The following ERCC6L variants were observed in gnomAD, a reference collection of about 807,000 sequenced individuals.
ERCC6L encodes the protein ERCC excision repair 6 like, spindle assembly checkpoint helicase.
A neutral mutation model predicts 20.1 loss-of-function variants in ERCC6L; 7 were observed. The observed-to-expected ratio is 0.35, with a 90% CI of 0.20 to 0.65. The LOEUF is 0.65. Ranked by LOEUF, ERCC6L falls within the 30% of genes least tolerant of loss-of-function variation. ERCC6L has a pLI of 0.69. For synonymous variants in ERCC6L, 278 were observed against 331.3 expected (o/e 0.84, Z 1.75); for missense variants, 592 against 892.4 (o/e 0.66, Z 4.29).
At chrX:72,210,607 A>C (rs991297707) in intron 1 of ERCC6L, among the ~76,000 whole-genome samples, 3 of 111,486 alleles carry the variant, frequency 2.7e-5, no homozygotes, top group Admixed American at 9.6e-5. Flanking sequence ...TTTCCCAGAG[A>C]CTAAAGTGCT....
intron 1 of ERCC6L, among the ~76,000 whole-genome samples, chrX:72,213,163 G>A (rs900430759): frequency 1.8e-4 from 20 of 111,487 alleles, no homozygotes; most frequent in Non-Finnish European, 2.8e-4. Flanking sequence ...ACCCAGTTTT[G>A]AGAGACAGGA....
rs1409547407 is a variant in ERCC6L at position 72,206,360 on chromosome X, T to C, written c.2407A>G (p.Lys803Glu). 8.3e-7 allele frequency: 1 copy of C among 1,210,711 alleles called. No individual in the cohort carries two copies. Among genetic ancestry groups the C allele is most frequent in the African/African-American group, 1.7e-5 (1 of 57,808 alleles). ...ATAGAGTCAGCACTACCTGTACCTT[T>C]ACCATCTTGCAAGGTGGTAACATTC... ...KVNVTTLQDG[K>E]GTGSADSIAT... The change falls in exon 2 of 2, where the codon AAA becomes GAA. Residue 803 changes from lysine to glutamate, a missense_variant. By Grantham distance (56) the Lys-to-Glu change is moderately conservative (BLOSUM62 1). This residue lies in a region of ERCC6L where 352 missense variants were observed against 402.6 expected (regional missense o/e 0.87). Transcript: ENST00000334463.
chrX:72,210,202 A>AAAATAAATAAAT (rs58086876), intron 1 of ERCC6L, among the ~76,000 whole-genome samples: 138 of 97,189 alleles, frequency 1.4e-3, no homozygotes, highest in Non-Finnish European at 2.2e-3. Flanking sequence ...TGTCTCTTAA[A>AAAATAAATAAAT]AAATAAATAA....
chrX:72,222,130 C>T (rs1279963929), intron 1 of ERCC6L, among the ~76,000 whole-genome samples: 1 of 110,675 alleles, frequency 9.0e-6, no homozygotes, highest in Non-Finnish European at 1.9e-5. Flanking sequence ...CAGCCATTCT[C>T]CCTCTCCGGG....
chrX:72,205,498 C>A lies in ERCC6L; in HGVS notation c.3269G>T (p.Arg1090Ile), dbSNP rs1434421525. The change falls in exon 2 of 2, where the codon AGA becomes ATA. Residue 1090 changes from arginine (R) to isoleucine (I), a missense_variant. This residue lies in a region of ERCC6L where 352 missense variants were observed against 402.6 expected (regional missense o/e 0.87). Transcript: ENST00000334463. ...PSSVNKSMNS[R>I]RSLASRRSLI... ...AGACCTCCTAGAAGCCAGAGATCTT[C>A]TAGAGTTCATAGACTTATTTACACT... The A allele has an allele frequency of 8.3e-7, 1 of 1,210,025 alleles. No homozygotes were observed. Among genetic ancestry groups the A allele is most frequent in the Non-Finnish European group, 1.1e-6 (1 of 895,169 alleles).
intron 1 of ERCC6L, among the ~76,000 whole-genome samples, chrX:72,228,420 A>G (rs2042965584): frequency 8.9e-6 from 1 of 111,945 alleles, no homozygotes; most frequent in Non-Finnish European, 1.9e-5. Flanking sequence ...ACTTCTCTCA[A>G]GAAAACAGAC....
In ERCC6L at chrX:72,206,750, C is replaced by T; in HGVS notation, c.2017G>A (p.Asp673Asn). ...TCACATGTGTACATCAAATCATGGT[C>T]TGAGATTCCAGCTATCCCCAAAGAC... ...LQSLGIAGIS[D>N]HDLMYTCDLS... is the part of the protein sequence containing the mutation. Residue 673 changes from aspartate (D) to asparagine (N), a missense_variant, in exon 2 of 2, where the codon GAC becomes AAC. Asp to Asn is a conservative substitution (Grantham distance 23). Transcript: ENST00000334463. 2 of 1,211,213 alleles carry T rather than the reference C, an allele frequency of 1.7e-6. No individual in the cohort carries two copies. Among genetic ancestry groups the T allele is most frequent in the Non-Finnish European group, 2.2e-6 (2 of 895,375 alleles).
chrX:72,214,439 C>T (rs1453679883), intron 1 of ERCC6L, among the ~76,000 whole-genome samples: 2 of 111,267 alleles, frequency 1.8e-5, no homozygotes, highest in African/African-American at 3.3e-5. Context: ...TTTGGGAGGC[C>T]GAGGCGGTTG....
Position 72,205,302 on chromosome X carries a change from G to A in ERCC6L, c.3465C>T (p.Asn1155=), listed in dbSNP as rs2042810907. Residue 1155 remains asparagine (N), a synonymous_variant, in exon 2 of 2, where the codon AAC becomes AAT. Coordinates refer to ENST00000334463, the MANE Select transcript of ERCC6L (RefSeq NM_017669.4). The part of the protein sequence containing the change: ...DPSGETLSSE[N]KSSWLMTSKP... ...TAGACGTCATTAACCAGCTGGACTTGTTTTCTGAAGACAGTGTTTCTCCGG... is the reference window on the plus strand; with the variant it reads ...TAGACGTCATTAACCAGCTGGACTTATTTTCTGAAGACAGTGTTTCTCCGG... The A allele has an allele frequency of 8.3e-7, 1 of 1,210,485 alleles. No homozygotes were observed. The highest frequency in any genetic ancestry group is 2.2e-5 in the Admixed American group (1 of 45,780).
intron 1 of ERCC6L, among the ~76,000 whole-genome samples, chrX:72,220,254 A>G (rs2042915285): frequency 9.0e-6 from 1 of 111,378 alleles, no homozygotes; most frequent in Non-Finnish European, 1.9e-5. Flanking sequence ...TAAAAAATGT[A>G]ATAATCATCA....
chrX:72,206,601 T>C lies in ERCC6L; in HGVS notation c.2166A>G (p.Gln722=). ...GCCAGGCCCCCTCATTTCTAGTTCTTTGTTGTTCCATCAGGAACTCTTTAT... is the reference window on the plus strand; with the variant it reads ...GCCAGGCCCCCTCATTTCTAGTTCTCTGTTGTTCCATCAGGAACTCTTTAT... ...SQNKEFLMEQ[Q]RTRNEGAWLR... is the part of the protein sequence containing the mutation. Residue 722 remains glutamine, a synonymous_variant, in exon 2 of 2, where the codon CAA becomes CAG. Coordinates refer to ENST00000334463, the MANE Select transcript of ERCC6L (RefSeq NM_017669.4). 8.3e-7 allele frequency: 1 copy of C among 1,211,360 alleles called. No individual in the cohort carries two copies. The highest frequency in any genetic ancestry group is 1.1e-6 in the Non-Finnish European group (1 of 895,403).
At position 72,210,065 on chromosome X, in the gene ERCC6L, G is replaced by C. The variant is rs190410514; in HGVS notation, c.69-1367C>G. Reference sequence around the variant, plus strand: ...TGCCGAACACACAAGCAACCAGAGGGGGGGAAGAGATATACAGGGCCGGGT... The same window carrying C: ...TGCCGAACACACAAGCAACCAGAGGCGGGGAAGAGATATACAGGGCCGGGT... On this transcript the variant is annotated intron_variant, in intron 1 of 1. Coordinates refer to ENST00000334463, the MANE Select transcript of ERCC6L (RefSeq NM_017669.4). Among the ~76,000 whole-genome samples, 580 of 108,988 alleles carry C rather than the reference G, an allele frequency of 5.3e-3. 9 individuals carry two copies. Among genetic ancestry groups the C allele is most frequent in the African/African-American group, 0.018 (553 of 29,976 alleles). The allele number at this position is 108,988 out of a possible 115,157, so 94.6% of individuals were successfully genotyped here.
Position 72,208,592 on chromosome X carries a change from T to G in ERCC6L, c.175A>C (p.Arg59=), listed in dbSNP as rs2042834711. The G allele has an allele frequency of 8.3e-7, 1 of 1,211,863 alleles. No individual in the cohort carries two copies. Among genetic ancestry groups the G allele is most frequent in the Admixed American group, 2.2e-5 (1 of 46,040 alleles). ...AAGGCTTCCTGTATTTTTTGGATTCTGCTCAGCACTTTTTCATTGGGAAAA... is the reference window on the plus strand; with the variant it reads ...AAGGCTTCCTGTATTTTTTGGATTCGGCTCAGCACTTTTTCATTGGGAAAA... ...DIFPNEKVLS[R]IQKIQEALEE... Residue 59 remains arginine, a synonymous_variant, in exon 2 of 2, where the codon AGA becomes CGA. Transcript: ENST00000334463.
At chrX:72,236,322 G>A (rs1274615115) in intron 1 of ERCC6L, among the ~76,000 whole-genome samples, 4 of 110,386 alleles carry the variant, frequency 3.6e-5, no homozygotes, top group East Asian at 5.7e-4. Context: ...TTTCTGAGAC[G>A]GAGTCTTGCT....
chrX:72,217,700 G>A (rs2042894003), intron 1 of ERCC6L, among the ~76,000 whole-genome samples: 1 of 110,455 alleles, frequency 9.1e-6, no homozygotes, highest in Admixed American at 9.7e-5. Context: ...AGGTGGACAT[G>A]AAAGCTTACT....
rs149622810 is a variant in ERCC6L at position 72,213,917 on chromosome X, C to T, written c.69-5219G>A. ...GGAGCTCTGAGAACAAAGACCTGTC[C>T]GTTAACAGTTTCCCTATACTGATCC... On this transcript the variant is annotated intron_variant, in intron 1 of 1. Transcript: ENST00000334463. 5.7e-4 allele frequency among the ~76,000 whole-genome samples: 64 copies of T among 112,031 alleles called. No individual in the cohort carries two copies. The East Asian group carries it at 0.016, about 28-fold the overall frequency.
intron 1 of ERCC6L, among the ~76,000 whole-genome samples, chrX:72,209,284 C>T (rs1056426525): frequency 1.8e-5 from 2 of 111,782 alleles, no homozygotes; most frequent in African/African-American, 6.5e-5. Flanking sequence ...GTGCTCATGA[C>T]TCTCAAATCA....
chrX:72,233,825 T>A (rs759028356), intron 1 of ERCC6L, among the ~76,000 whole-genome samples: 6 of 109,392 alleles, frequency 5.5e-5, no homozygotes, highest in Admixed American at 9.8e-5. Flanking sequence ...GAATATGGTT[T>A]TTTTTTTGAC....
rs139852834 is a variant in ERCC6L at position 72,238,151 on chromosome X, A to G, written c.68+693T>C. On this transcript the variant is annotated intron_variant, in intron 1 of 1. Coordinates refer to ENST00000334463, the MANE Select transcript of ERCC6L (RefSeq NM_017669.4). ...CTGAACTGTACATTTAAAAATGGTT[A>G]GGATGATAAACTTTATTTTTCATAA... 5.4e-3 allele frequency among the ~76,000 whole-genome samples: 608 copies of G among 112,220 alleles called. 2 individuals are homozygous for G. Among genetic ancestry groups the G allele is most frequent in the African/African-American group, 0.018 (562 of 30,921 alleles).
Sources: allele counts gnomAD v4.1 joint callset (sites outside exome capture counted in the v4.1 genomes callset), GRCh38; gene constraint gnomAD v4.1.1; regional missense constraint gnomAD v4.1.1; transcripts MANE v1.5; gene names NCBI Gene and HGNC (gene_info 2026-07-23, HGNC 2026-07-21).